Variants in FHIT observed in about 807,000 individuals in gnomAD.
FHIT encodes the protein fragile histidine triad diadenosine triphosphatase.
FHIT carries 19 observed loss-of-function variants against 17.9 expected under a neutral mutation model. That is an observed-to-expected ratio of 1.06 (90% CI 0.74 to 1.56). FHIT has a LOEUF of 1.56. Among genes scored for constraint, FHIT ranks in the 40% most tolerant of loss-of-function variants. The pLI, the probability that FHIT is intolerant of heterozygous loss-of-function variation, is 0.00. For missense variants in FHIT, 248 were observed against 189.2 expected, an observed-to-expected ratio of 1.31 and a Z score of -1.82; for synonymous variants, 81 against 69.7, an observed-to-expected ratio of 1.16 and a Z score of -0.81.
At chr3:60,186,932 A>C (rs1262677225) in intron 5 of FHIT, among the ~76,000 whole-genome samples, 4 of 152,036 alleles carry the variant, frequency 2.6e-5, no homozygotes, top group African/African-American at 9.7e-5. Flanking sequence ...TCTAGCTCCC[A>C]CTGATGTGTA....
At chr3:60,441,803 T>A (rs1160123675) in intron 5 of FHIT, among the ~76,000 whole-genome samples, 14 of 125,898 alleles carry the variant, frequency 1.1e-4, no homozygotes, top group African/African-American at 2.9e-4. Flanking sequence ...TATATATATA[T>A]ATATATATAT....
chr3:60,108,784 C>A (rs1223141395), intron 5 of FHIT, among the ~76,000 whole-genome samples: 2 of 152,046 alleles, frequency 1.3e-5, no homozygotes, highest in African/African-American at 4.8e-5. Context: ...CTACCTCAGC[C>A]TCCCCAGTAG....
chr3:61,104,049 G>A (rs943850669), intron 2 of FHIT, among the ~76,000 whole-genome samples: 2 of 152,022 alleles, frequency 1.3e-5, no homozygotes, highest in Non-Finnish European at 2.9e-5. Flanking sequence ...TTTAATTGGG[G>A]CATTTAGTCC....
intron 7 of FHIT, among the ~76,000 whole-genome samples, chr3:59,972,496 G>A (rs1007663651): frequency 6.6e-6 from 1 of 152,052 alleles, no homozygotes; most frequent in East Asian, 1.9e-4. Flanking sequence ...TTCTCACCAA[G>A]CCTCCAGCCT....
intron 7 of FHIT, among the ~76,000 whole-genome samples, chr3:60,006,775 A>C (rs1226935753): frequency 6.6e-6 from 1 of 152,134 alleles, no homozygotes; most frequent in Non-Finnish European, 1.5e-5. Flanking sequence ...AAGTATGTTA[A>C]CTACTAGACT....
intron 3 of FHIT, among the ~76,000 whole-genome samples, chr3:60,899,388 G>A (rs1182375063): frequency 1.3e-5 from 2 of 152,102 alleles, no homozygotes; most frequent in Non-Finnish European, 2.9e-5. Context: ...TCACTGCTAT[G>A]AGTAATATAA....
At chr3:60,789,175 TAGAGAGAG>T (rs59757824) in intron 4 of FHIT, among the ~76,000 whole-genome samples, 402 of 102,682 alleles carry the variant, frequency 3.9e-3, no homozygotes, top group East Asian at 0.02. Context: ...TATATATATA[TAGAGAGAG>T]AGAGAGAGAG....
chr3:60,730,096 T>C (rs2041997403), intron 4 of FHIT: 2 of 512,898 alleles, frequency 3.9e-6, no homozygotes, highest in Non-Finnish European at 7.9e-6. Flanking sequence ...GTAGTAGATG[T>C]GTCCCAATGT....
intron 5 of FHIT, among the ~76,000 whole-genome samples, chr3:60,290,497 T>C (rs1576428846): frequency 6.6e-6 from 1 of 151,928 alleles, no homozygotes; most frequent in African/African-American, 2.4e-5. Context: ...TCAACAACCC[T>C]AGAAGAACTG....
chr3:60,215,076 C>G (rs1392356917), intron 5 of FHIT, among the ~76,000 whole-genome samples: 1 of 152,094 alleles, frequency 6.6e-6, no homozygotes, highest in Admixed American at 6.5e-5. Context: ...ACGATACTCA[C>G]TACCTGGGTG....
intron 4 of FHIT, among the ~76,000 whole-genome samples, chr3:60,729,494 C>T (rs1553710586): frequency 6.6e-6 from 1 of 152,126 alleles, no homozygotes; most frequent in African/African-American, 2.4e-5. Context: ...AAAAGCAAAA[C>T]TTGAAAACAA....
intron 5 of FHIT, among the ~76,000 whole-genome samples, chr3:60,266,485 T>C (rs2107618829): frequency 6.6e-6 from 1 of 152,196 alleles, no homozygotes; most frequent in East Asian, 1.9e-4. Flanking sequence ...ATGGTGATAG[T>C]TGCACAATTC....
At chr3:59,901,368 G>T (rs1041422170) in intron 8 of FHIT, among the ~76,000 whole-genome samples, 8 of 152,098 alleles carry the variant, frequency 5.3e-5, no homozygotes, top group Admixed American at 3.9e-4. Context: ...TGCCAATCTC[G>T]GGAGAGGTAT....
chr3:59,834,125 G>C (rs1701258546), intron 8 of FHIT, among the ~76,000 whole-genome samples: 1 of 152,162 alleles, frequency 6.6e-6, no homozygotes, highest in East Asian at 1.9e-4. Flanking sequence ...AAGGAAAAAG[G>C]AGGCAGCACA....
intron 5 of FHIT, among the ~76,000 whole-genome samples, chr3:60,218,422 T>C (rs981827602): frequency 1.3e-5 from 2 of 152,172 alleles, no homozygotes; most frequent in African/African-American, 4.8e-5. Context: ...GTGTCAATTA[T>C]AAAACAGTTG....
intron 4 of FHIT, among the ~76,000 whole-genome samples, chr3:60,803,840 C>G (rs1161656735): frequency 2.0e-5 from 3 of 151,826 alleles, no homozygotes; most frequent in African/African-American, 7.2e-5. Flanking sequence ...AGCCAGCTGG[C>G]ACCGAACAGG....
intron 1 of FHIT, among the ~76,000 whole-genome samples, chr3:61,240,175 T>C (rs6809031): frequency 0.55 from 84,356 of 151,996 alleles, 25,868 homozygotes; most frequent in East Asian, 0.87. Flanking sequence ...CTGAAGCTTC[T>C]TGGCCTTGTT....
At chr3:61,084,927 C>A (rs2035258844) in intron 2 of FHIT, among the ~76,000 whole-genome samples, 1 of 152,136 alleles carries the variant, frequency 6.6e-6, no homozygotes, top group African/African-American at 2.4e-5. Flanking sequence ...TGTCTGGATT[C>A]TTTCACTTCA....
At chr3:60,675,593 C>T (rs1243014663) in intron 4 of FHIT, among the ~76,000 whole-genome samples, 1 of 152,214 alleles carries the variant, frequency 6.6e-6, no homozygotes, top group African/African-American at 2.4e-5. Flanking sequence ...TCACAACCAG[C>T]CCTTCCTTGG....
Sources: allele counts gnomAD v4.1 joint callset (sites outside exome capture counted in the v4.1 genomes callset), GRCh38; gene constraint gnomAD v4.1.1; transcripts MANE v1.5; gene names NCBI Gene and HGNC (gene_info 2026-07-23, HGNC 2026-07-21).